The following CARD10 variants were observed in gnomAD, a reference collection of about 807,000 sequenced individuals.
CARD10 encodes caspase recruitment domain family member 10.
In CARD10, 49 loss-of-function variants were observed where a neutral mutation model predicts 114.6. The ratio of observed to expected loss-of-function variants is 0.43; its 90% confidence interval spans 0.34 to 0.54. The LOEUF is 0.54. CARD10 is among the 20% of genes least tolerant of loss of function. The pLI, the probability that CARD10 is intolerant of heterozygous loss-of-function variation, is 0.03. For synonymous variants in CARD10, 602 were observed against 593.2 expected, an observed-to-expected ratio of 1.01 and a Z score of -0.21; for missense variants, 1,206 against 1,397.2, an observed-to-expected ratio of 0.86 and a Z score of 2.18.
chr22:37,499,763 G>A (rs1368319656), intron 11 of CARD10, among the ~76,000 whole-genome samples: 2 of 152,060 alleles, frequency 1.3e-5, no homozygotes, highest in East Asian at 3.9e-4. Context: ...AGCCCACAGG[G>A]GCTTGCCCAG....
chr22:37,510,516 T>C, intron 3 of CARD10, 95 bp from the exon 4 acceptor site: 2 of 1,040,144 alleles, frequency 1.9e-6, no homozygotes, highest in Non-Finnish European at 2.8e-6. Flanking sequence ...CCTGGGTGCC[T>C]CCCAGATTCC....
At chr22:37,514,645 T>C (rs1466949560) in intron 3 of CARD10, 2 of 152,268 alleles carry the variant, frequency 1.3e-5, no homozygotes, top group African/African-American at 2.4e-5. Context: ...GGCACACCAG[T>C]GCACCCACAT....
intron 11 of CARD10, among the ~76,000 whole-genome samples, chr22:37,499,662 C>T (rs990982689): frequency 5.3e-5 from 8 of 152,128 alleles, no homozygotes; most frequent in Non-Finnish European, 7.4e-5. Flanking sequence ...TCCTCCAGGA[C>T]GCCCTTGCCA....
intron 6 of CARD10, 29 bp downstream of exon 6, chr22:37,507,799 CA>C (rs1923463599): frequency 6.2e-7 from 1 of 1,613,752 alleles, no homozygotes; most frequent in African/African-American, 1.3e-5. Flanking sequence ...GCAACTGGCC[CA>C]GGGCCTCGTA....
At position 37,496,852 on chromosome 22, in the gene CARD10, AAT is replaced by A; in HGVS notation, c.1947+165_1947+166del. ...CCCAGTCCCTGCCCAATCAGACTTC[AAT>A]TAAGCCTGGCTGAGCAGGCAACCAC... is the stretch of plus-strand genomic sequence containing the variant. On this transcript the variant is annotated intron_variant, in intron 12 of 19. Transcript: ENST00000251973. This position sits in a 1 kb window ranked among gnomAD's most constrained non-coding sequence, Gnocchi z 4.1. 6 of 836,002 alleles carry A rather than the reference AAT, an allele frequency of 7.2e-6. No individual in the cohort carries two copies. In the South Asian group the frequency reaches 1.0e-4, roughly 14 times the overall value. 51.8% of individuals were successfully genotyped at this position (836,002 alleles called of 1,614,324 possible).
Position 37,491,784 on chromosome 22 carries a change from C to T in CARD10, c.2835G>A (p.Glu945=). 2 of 1,608,476 alleles carry T rather than the reference C, an allele frequency of 1.2e-6. No individual in the cohort carries two copies. The highest frequency in any genetic ancestry group is 1.7e-6 in the Non-Finnish European group (2 of 1,177,604). ...NEIYPIVIHV[E]VTEKNVREVR... Reference sequence around the variant, plus strand: ...CTTCCCGGACATTCTTCTCAGTCACCTCCACGTGGATGACGATGGGGTAGA... The same window carrying T: ...CTTCCCGGACATTCTTCTCAGTCACTTCCACGTGGATGACGATGGGGTAGA... The change falls in exon 19 of 20, where the codon GAG becomes GAA. Residue 945 remains glutamate (E), a synonymous_variant. Transcript: ENST00000251973.
intron 5 of CARD10, 122 bp from the exon 6 acceptor site, chr22:37,508,076 C>A (rs1923476193): frequency 8.5e-7 from 1 of 1,178,848 alleles, no homozygotes; most frequent in African/African-American, 1.5e-5. Context: ...AATAACAAGT[C>A]CCCTCCTGCC....
chr22:37,504,654 C>T lies in CARD10; in HGVS notation c.1499G>A (p.Gly500Glu). 2 of 1,514,496 alleles carry T rather than the reference C, an allele frequency of 1.3e-6. No homozygotes were observed. The highest frequency in any genetic ancestry group is 1.8e-6 in the Non-Finnish European group (2 of 1,133,728). 93.8% of individuals were successfully genotyped at this position (1,514,496 alleles called of 1,614,324 possible). Residue 500 changes from glycine (G) to glutamate (E), a missense_variant, in exon 8 of 20, where the codon GGA (glycine) becomes GAA (glutamate). Coordinates refer to ENST00000251973, the MANE Select transcript of CARD10 (RefSeq NM_014550.4). The stretch of plus-strand genomic sequence containing the variant: ...TCTTACCGAGTTGTGAGGCTCAGGT[C>T]CCCCCATGACAGCTGCCTCCCCAGT... Reference protein sequence around the residue: ...EATGEAAVMGGPEPHNSEEAT... With the variant: ...EATGEAAVMGEPEPHNSEEAT...
Position 37,506,339 on chromosome 22 carries a change from G to C in CARD10, c.1236C>G (p.Ser412Arg), listed in dbSNP as rs774713316. The stretch of plus-strand genomic sequence containing the variant: ...TGCGGTACTGGTCCTTCTCGATGAG[G>C]CTCTGTGAGTACTGCAACTGGATCC... ...RDRIQLQYSQ[S>R]LIEKDQYRKQ... is the part of the protein sequence containing the mutation. Residue 412 changes from serine to arginine, a missense_variant, in exon 7 of 20, where the codon AGC (serine) becomes AGG (arginine). Transcript: ENST00000251973. 1 of 1,604,812 alleles carries C rather than the reference G, an allele frequency of 6.2e-7. No homozygotes were observed. Among genetic ancestry groups the C allele is most frequent in the Non-Finnish European group, 8.5e-7 (1 of 1,175,264 alleles).
chr22:37,503,317 C>T lies in CARD10; in HGVS notation c.1635-104G>A, dbSNP rs1201720847. 4 of 1,176,052 alleles carry T rather than the reference C, an allele frequency of 3.4e-6. No homozygotes were observed. The African/African-American group carries it at 6.3e-5, about 18-fold the overall frequency. 72.9% of individuals were successfully genotyped at this position (1,176,052 alleles called of 1,614,324 possible). A position where few individuals can be genotyped will look rare whatever the true frequency, so the allele number is the denominator to read the frequency against. On this transcript the variant is annotated intron_variant, in intron 9 of 19. Coordinates refer to ENST00000251973, the MANE Select transcript of CARD10 (RefSeq NM_014550.4). ...ACACCAGATAAATGTCTCACAGCCC[C>T]CAAGCAAATGCAGGCTAGACTCAAG...
chr22:37,500,545 G>A (rs1923176966), intron 11 of CARD10, among the ~76,000 whole-genome samples: 1 of 152,076 alleles, frequency 6.6e-6, no homozygotes, highest in African/African-American at 2.4e-5. Flanking sequence ...GAGAAGGGCA[G>A]GGCAGAGAGG....
rs1218274701 is a variant in CARD10, at chr22:37,492,004, C to T, written c.2752-137G>A. ...TCCCCACCCAGAGGGACCCTGGCAA[C>T]GAGGAAGGAGCCCAAAAGTACAGAC... On this transcript the variant is annotated intron_variant, in intron 18 of 19. Transcript: ENST00000251973. This position sits in a 1 kb window ranked among gnomAD's most constrained non-coding sequence, Gnocchi z 5.7. 4.6e-5 allele frequency: 30 copies of T among 653,402 alleles called. No homozygotes were observed. Among genetic ancestry groups the T allele is most frequent in the Non-Finnish European group, 7.7e-5 (28 of 364,552 alleles). 40.5% of individuals were successfully genotyped at this position (653,402 alleles called of 1,614,324 possible). A position where few individuals can be genotyped will look rare whatever the true frequency, so the allele number is the denominator to read the frequency against.
chr22:37,504,144 C>T, intron 9 of CARD10, 42 bp downstream of exon 9: 1 of 1,403,166 alleles, frequency 7.1e-7, no homozygotes, highest in Non-Finnish European at 9.9e-7. Context: ...AAACGGCAGC[C>T]CCACCTCCCT....
At chr22:37,503,062 G>C in intron 10 of CARD10, 123 bp downstream of exon 10, 1 of 1,112,960 alleles carries the variant, frequency 9.0e-7, no homozygotes, top group Non-Finnish European at 1.3e-6. Flanking sequence ...CAGGGGCCAC[G>C]GCGGGGCTTC....
At chr22:37,498,947 G>A (rs1923113077) in intron 11 of CARD10, among the ~76,000 whole-genome samples, 1 of 151,652 alleles carries the variant, frequency 6.6e-6, no homozygotes, top group Non-Finnish European at 1.5e-5. Context: ...GCAGGGAGAG[G>A]TGGAAACCAG....
intron 4 of CARD10, among the ~76,000 whole-genome samples, 174 bp from the exon 5 acceptor site, chr22:37,508,856 G>A (rs377255489): frequency 6.6e-6 from 1 of 152,148 alleles, no homozygotes; most frequent in African/African-American, 2.4e-5. Context: ...CAGAGTGGGT[G>A]TGGCCCCACA....
At chr22:37,503,778 G>T (rs1032886662) in intron 9 of CARD10, among the ~76,000 whole-genome samples, 4 of 152,226 alleles carry the variant, frequency 2.6e-5, no homozygotes, top group African/African-American at 9.6e-5. Context: ...ACCAGAGGGT[G>T]CGCCTTGGTT....
intron 11 of CARD10, 41 bp downstream of exon 11, chr22:37,502,561 G>A: frequency 6.3e-7 from 1 of 1,594,420 alleles, no homozygotes; most frequent in Non-Finnish European, 8.5e-7. Context: ...CCCCTCTCAA[G>A]CAATCACCCC....
In CARD10 at chr22:37,504,686, TG is replaced by T; in HGVS notation, c.1466del (p.Pro489GlnfsTer69). 6.3e-7 allele frequency: 1 copy of T among 1,576,316 alleles called. No homozygotes were observed. On this transcript the variant is annotated frameshift_variant, in exon 8 of 20. Coordinates refer to ENST00000251973, the MANE Select transcript of CARD10 (RefSeq NM_014550.4). LOFTEE classifies it high-confidence loss of function. ...LSEFPSPLGG[P>X]EATGEAAVMG... ...TGACAGCTGCCTCCCCAGTTGCTTC[TG>T]GGCCTCCCAGAGGGGAGGGGAACTC... is the stretch of plus-strand genomic sequence containing the variant.
Sources: allele counts gnomAD v4.1 joint callset (sites outside exome capture counted in the v4.1 genomes callset), GRCh38; gene constraint gnomAD v4.1.1; non-coding constraint Gnocchi (gnomAD v3.1); transcripts MANE v1.5; gene names NCBI Gene and HGNC (gene_info 2026-07-23, HGNC 2026-07-21).